JMJD1C: variants seen among roughly 807,000 people sequenced by gnomAD.
The protein encoded by JMJD1C is jumonji domain-containing protein 1C.
A neutral mutation model predicts 245.3 loss-of-function variants in JMJD1C; 31 were observed. The ratio of observed to expected loss-of-function variants is 0.13; its 90% CI spans 0.09 to 0.17. The LOEUF is 0.17. Ranked by LOEUF, JMJD1C falls within the 10% of genes least tolerant of loss-of-function variation. The pLI is 1.00. For synonymous variants in JMJD1C, 1,057 were observed against 1,017.4 expected, an observed-to-expected ratio of 1.04 and a Z score of -0.74; for missense variants, 2,691 against 3,000.2, an observed-to-expected ratio of 0.90 and a Z score of 2.41.
intron 2 of JMJD1C, among the ~76,000 whole-genome samples, chr10:63,291,493 T>A (rs1470975215): frequency 1.3e-5 from 2 of 150,390 alleles, no homozygotes; most frequent in East Asian, 3.9e-4. Context: ...CAGGCGACTG[T>A]AATCCCAGCT....
intron 3 of JMJD1C, among the ~76,000 whole-genome samples, chr10:63,252,620 T>A (rs1422662465): frequency 6.6e-6 from 1 of 152,120 alleles, no homozygotes; most frequent in African/African-American, 2.4e-5. Flanking sequence ...CACAAACATA[T>A]ATACAACCCC....
At chr10:63,506,737 A>G (rs1434357820) in intron 1 of JMJD1C, among the ~76,000 whole-genome samples, 1 of 152,202 alleles carries the variant, frequency 6.6e-6, no homozygotes, top group Non-Finnish European at 1.5e-5. Context: ...AGAATGGTAC[A>G]TTTGTTACCA....
At chr10:63,521,443 G>A (rs1207226256) in intron 1 of JMJD1C, 4 of 612,784 alleles carry the variant, frequency 6.5e-6, no homozygotes, top group South Asian at 6.3e-5. Flanking sequence ...GCGGCCCCGG[G>A]GAGCGCGAGG....
At chr10:63,180,473 G>A (rs913989851) in intron 22 of JMJD1C, among the ~76,000 whole-genome samples, 1 of 152,170 alleles carries the variant, frequency 6.6e-6, no homozygotes, top group Admixed American at 6.5e-5. Flanking sequence ...AGTACAAAGG[G>A]TACAGAGACA....
intron 1 of JMJD1C, among the ~76,000 whole-genome samples, chr10:63,487,364 T>C (rs1954032269): frequency 6.6e-6 from 1 of 152,190 alleles, no homozygotes; most frequent in African/African-American, 2.4e-5. Flanking sequence ...TGAACAATTT[T>C]CTCCCCTTGG....
intron 2 of JMJD1C, among the ~76,000 whole-genome samples, chr10:63,337,180 G>C (rs1461681738): frequency 6.6e-6 from 1 of 151,592 alleles, no homozygotes; most frequent in Non-Finnish European, 1.5e-5. Flanking sequence ...GAAATGCTTT[G>C]TAAAATCATA....
intron 1 of JMJD1C, among the ~76,000 whole-genome samples, chr10:63,402,283 A>G (rs1948913968): frequency 6.6e-6 from 1 of 152,234 alleles, no homozygotes; most frequent in African/African-American, 2.4e-5. Context: ...CATAATTTAC[A>G]TATAAAATGA....
chr10:63,183,479 A>G lies in JMJD1C; in HGVS notation c.7052T>C (p.Ile2351Thr). Reference protein sequence around the residue: ...DVVNILVYVGIAKGNGILSKA... With the variant: ...DVVNILVYVGTAKGNGILSKA... The stretch of plus-strand genomic sequence containing the variant: ...TGAGAGAATGCCATTTCCTTTTGCT[A>G]TGCCAACATAAACTAGTATATTTAC... The change falls in exon 22 of 26, where the codon ATA (isoleucine) becomes ACA (threonine). Residue 2351 changes from isoleucine to threonine, a missense_variant. By Grantham distance (89) the Ile-to-Thr change is moderately conservative. This residue lies in a region of JMJD1C where 232 missense variants were observed against 416.1 expected (regional missense o/e 0.56). Coordinates refer to ENST00000399262, the MANE Select transcript of JMJD1C (RefSeq NM_032776.3). The G allele has an allele frequency of 6.2e-7, 1 of 1,607,456 alleles. No individual in the cohort carries two copies. The highest frequency in any genetic ancestry group is 8.5e-7 in the Non-Finnish European group (1 of 1,177,456).
chr10:63,232,390 A>C (rs2133400905), intron 3 of JMJD1C, among the ~76,000 whole-genome samples: 1 of 152,334 alleles, frequency 6.6e-6, no homozygotes, highest in Admixed American at 6.5e-5. Context: ...GGTCCTTTAC[A>C]ATGACAACAT....
intron 1 of JMJD1C, among the ~76,000 whole-genome samples, chr10:63,442,785 A>G (rs1308805402): frequency 6.6e-6 from 1 of 152,208 alleles, no homozygotes; most frequent in Admixed American, 6.5e-5. Flanking sequence ...ACATTTTCAT[A>G]TTGTTCCTTC....
chr10:63,447,540 T>C (rs1408763033), intron 1 of JMJD1C, among the ~76,000 whole-genome samples: 1 of 152,220 alleles, frequency 6.6e-6, no homozygotes, highest in African/African-American at 2.4e-5. Flanking sequence ...ACTAAGCTTA[T>C]ATATTTTCCT....
At chr10:63,355,430 G>A (rs1352723311) in intron 2 of JMJD1C, among the ~76,000 whole-genome samples, 1 of 152,176 alleles carries the variant, frequency 6.6e-6, no homozygotes, top group African/African-American at 2.4e-5. Context: ...GTAATGTGCA[G>A]ATTCATTTAA....
chr10:63,330,052 C>T (rs566831573), intron 2 of JMJD1C, among the ~76,000 whole-genome samples: 19 of 152,318 alleles, frequency 1.2e-4, no homozygotes, highest in African/African-American at 4.6e-4. Context: ...AGGCATGCGC[C>T]ACCACGCCCG....
At chr10:63,267,642 T>C (rs1186879108) in intron 2 of JMJD1C, among the ~76,000 whole-genome samples, 2 of 152,142 alleles carry the variant, frequency 1.3e-5, no homozygotes, top group Non-Finnish European at 2.9e-5. Context: ...CACAAAAGAC[T>C]ATCATTCAAA....
intron 5 of JMJD1C, among the ~76,000 whole-genome samples, chr10:63,215,928 G>A (rs1847927291): frequency 6.6e-6 from 1 of 152,096 alleles, no homozygotes; most frequent in South Asian, 2.1e-4. Context: ...TATATTTACT[G>A]CAAGTACATC....
At chr10:63,443,379 T>C (rs1951506950) in intron 1 of JMJD1C, among the ~76,000 whole-genome samples, 1 of 152,204 alleles carries the variant, frequency 6.6e-6, no homozygotes, top group South Asian at 2.1e-4. Context: ...TGGCAGCATC[T>C]TGGCTCACTG....
intron 2 of JMJD1C, among the ~76,000 whole-genome samples, chr10:63,378,130 T>C (rs901987889): frequency 1.3e-5 from 2 of 151,094 alleles, no homozygotes; most frequent in Non-Finnish European, 3.0e-5. Context: ...AGGTTGGTGA[T>C]TGTTTAAGTA....
At chr10:63,477,101 C>A (rs1466834779) in intron 1 of JMJD1C, among the ~76,000 whole-genome samples, 2 of 152,056 alleles carry the variant, frequency 1.3e-5, no homozygotes, top group Non-Finnish European at 2.9e-5. Flanking sequence ...GAGAGATATA[C>A]CATGTCCATG....
chr10:63,250,514 C>G (rs1046343602), intron 3 of JMJD1C, among the ~76,000 whole-genome samples: 3 of 152,026 alleles, frequency 2.0e-5, no homozygotes, highest in Non-Finnish European at 4.4e-5. Flanking sequence ...CAATGCTTCC[C>G]AACACTAACA....
Sources: allele counts gnomAD v4.1 joint callset (sites outside exome capture counted in the v4.1 genomes callset), GRCh38; gene constraint gnomAD v4.1.1; regional missense constraint gnomAD v4.1.1; transcripts MANE v1.5; gene names NCBI Gene and HGNC (gene_info 2026-07-23, HGNC 2026-07-21).